The following MEIKIN variants were observed in gnomAD, a reference collection of about 807,000 sequenced individuals.
The protein encoded by MEIKIN is meiotic kinetochore factor.
chr5:131,820,271 A>G (rs1056322621), intron 11 of MEIKIN, among the ~76,000 whole-genome samples: 1 of 151,510 alleles, frequency 6.6e-6, no homozygotes, highest in Non-Finnish European at 1.5e-5. Context: ...ACAGGGTTTC[A>G]GCATGTTGGC....
At chr5:131,846,445 A>C (rs1256911404) in intron 11 of MEIKIN, among the ~76,000 whole-genome samples, 2 of 152,236 alleles carry the variant, frequency 1.3e-5, no homozygotes, top group Non-Finnish European at 2.9e-5. Flanking sequence ...GAGACTAATA[A>C]ATTTAAAAAA....
At chr5:131,808,932 T>C (rs1772898434) in intron 12 of MEIKIN, among the ~76,000 whole-genome samples, 1 of 152,036 alleles carries the variant, frequency 6.6e-6, no homozygotes, top group African/African-American at 2.4e-5. Context: ...AAAGATTAGG[T>C]AGGCATGGTA....
intron 9 of MEIKIN, among the ~76,000 whole-genome samples, chr5:131,870,001 G>C (rs1750458134): frequency 1.3e-5 from 2 of 152,170 alleles, no homozygotes; most frequent in Admixed American, 6.5e-5. Context: ...TTAGGACAAA[G>C]TGATGACTTC....
chr5:131,912,584 CTA>C (rs1751348635), intron 7 of MEIKIN, among the ~76,000 whole-genome samples: 1 of 152,108 alleles, frequency 6.6e-6, no homozygotes, highest in African/African-American at 2.4e-5. Context: ...AGGGAATTTT[CTA>C]AATTCCTACA....
At chr5:131,813,715 C>T (rs900857465) in intron 12 of MEIKIN, among the ~76,000 whole-genome samples, 2 of 151,536 alleles carry the variant, frequency 1.3e-5, no homozygotes, top group African/African-American at 4.8e-5. Flanking sequence ...GCTTGAGCCA[C>T]CGTGCCCAGC....
intron 8 of MEIKIN, among the ~76,000 whole-genome samples, chr5:131,897,374 A>G (rs1444405750): frequency 3.3e-5 from 5 of 151,750 alleles, no homozygotes; most frequent in African/African-American, 2.4e-5. Flanking sequence ...GGGAGGAGTA[A>G]CTTCTCGAGG....
At chr5:131,890,903 T>A (rs1475180327) in intron 8 of MEIKIN, among the ~76,000 whole-genome samples, 1 of 152,146 alleles carries the variant, frequency 6.6e-6, no homozygotes, top group Non-Finnish European at 1.5e-5. Flanking sequence ...TCCCAGAGAG[T>A]CTGGTATTTT....
intron 8 of MEIKIN, among the ~76,000 whole-genome samples, chr5:131,911,049 T>C (rs1288904167): frequency 6.6e-6 from 1 of 152,090 alleles, no homozygotes; most frequent in Non-Finnish European, 1.5e-5. Flanking sequence ...CTTCCAATGC[T>C]AACCCTCCAG....
chr5:131,927,495 T>C (rs947845648), intron 5 of MEIKIN, among the ~76,000 whole-genome samples: 1 of 152,238 alleles, frequency 6.6e-6, no homozygotes, highest in East Asian at 1.9e-4. Flanking sequence ...TATAGCGCTG[T>C]TCAAGTCTGC....
intron 11 of MEIKIN, among the ~76,000 whole-genome samples, chr5:131,830,897 A>T (rs1214944759): frequency 6.6e-6 from 1 of 151,294 alleles, no homozygotes; most frequent in African/African-American, 2.4e-5. Context: ...TCTGAGGAGG[A>T]CTTTGGTTTT....
intron 11 of MEIKIN, among the ~76,000 whole-genome samples, chr5:131,823,948 T>C (rs1357309959): frequency 1.3e-5 from 2 of 152,192 alleles, no homozygotes; most frequent in Non-Finnish European, 2.9e-5. Context: ...GGATAAGATA[T>C]GGAAAAATTA....
intron 9 of MEIKIN, among the ~76,000 whole-genome samples, chr5:131,874,093 G>A (rs1561740424): frequency 1.3e-5 from 2 of 152,102 alleles, no homozygotes; most frequent in Admixed American, 6.5e-5. Context: ...AACTAGAAAA[G>A]CCAGAGCAAA....
intron 8 of MEIKIN, among the ~76,000 whole-genome samples, chr5:131,895,284 G>C (rs972609737): frequency 4.6e-5 from 7 of 152,166 alleles, no homozygotes; most frequent in East Asian, 1.9e-4. Flanking sequence ...GCTGGATTTG[G>C]TTTGTCAGTA....
rs546308321 is a variant in MEIKIN at position 131,912,050 on chromosome 5, T to TA, written c.639-172dup. Among the ~76,000 whole-genome samples the TA allele has an allele frequency of 3.0e-3, 459 of 152,104 alleles. 2 individuals are homozygous for TA. Among genetic ancestry groups the TA allele is most frequent in the African/African-American group, 0.01 (427 of 41,534 alleles). On this transcript the variant is annotated intron_variant, in intron 7 of 12. Transcript: ENST00000442687. Reference sequence around the variant, plus strand: ...GTATTTATATGAACAAATAGTTTAATAAAAAAGGCAATATATTTATACATT... The same window carrying TA: ...GTATTTATATGAACAAATAGTTTAATAAAAAAAGGCAATATATTTATACATT...
At chr5:131,863,557 CTTTTTTTTT>C (rs59435888) in intron 9 of MEIKIN, among the ~76,000 whole-genome samples, 1 of 68,434 alleles carries the variant, frequency 1.5e-5, no homozygotes, top group African/African-American at 7.8e-5. Context: ...CTTCTTTGTC[CTTTTTTTTT>C]TTTTTTTTTT....
At chr5:131,853,461 C>A (rs1164632502) in intron 10 of MEIKIN, among the ~76,000 whole-genome samples, 5 of 152,138 alleles carry the variant, frequency 3.3e-5, no homozygotes, top group Non-Finnish European at 7.4e-5. Context: ...ATAATCATTT[C>A]TTGGATATGA....
At chr5:131,829,335 A>G (rs947516634) in intron 11 of MEIKIN, among the ~76,000 whole-genome samples, 2 of 152,350 alleles carry the variant, frequency 1.3e-5, no homozygotes, top group African/African-American at 2.4e-5. Context: ...TAGGAAGCCA[A>G]TGGAAGATTA....
At chr5:131,943,659 T>C (rs889179854) in intron 3 of MEIKIN, among the ~76,000 whole-genome samples, 2 of 152,052 alleles carry the variant, frequency 1.3e-5, no homozygotes, top group African/African-American at 2.4e-5. Flanking sequence ...CAGAAATATA[T>C]AAAAATTTTA....
At chr5:131,840,433 T>C (rs1749884819) in intron 11 of MEIKIN, among the ~76,000 whole-genome samples, 1 of 152,218 alleles carries the variant, frequency 6.6e-6, no homozygotes, top group Non-Finnish European at 1.5e-5. Flanking sequence ...GAAGTTATCA[T>C]GAAAGATAAG....
Sources: allele counts gnomAD v4.1 joint callset (sites outside exome capture counted in the v4.1 genomes callset), GRCh38; gene constraint gnomAD v4.1.1; transcripts MANE v1.5; gene names NCBI Gene and HGNC (gene_info 2026-07-23, HGNC 2026-07-21).